The following CLCN5 variants were observed in gnomAD, a reference collection of about 807,000 sequenced individuals.
CLCN5 encodes the protein H(+)/Cl(-) exchange transporter 5.
Under a neutral mutation model 54.0 loss-of-function variants are expected in CLCN5, and 17 were observed. The ratio of observed to expected loss-of-function variants is 0.31; its 90% CI spans 0.22 to 0.47. CLCN5 has a LOEUF of 0.47. CLCN5 is among the 20% of genes least tolerant of loss of function. CLCN5 has a pLI of 1.00. For synonymous variants in CLCN5, 222 were observed against 233.0 expected, an observed-to-expected ratio of 0.95 and a Z score of 0.43; for missense variants, 448 against 646.7, an observed-to-expected ratio of 0.69 and a Z score of 3.33.
At chrX:50,043,817 T>C (rs1179127491) in intron 4 of CLCN5, among the ~76,000 whole-genome samples, 2 of 112,034 alleles carry the variant, frequency 1.8e-5, no homozygotes, top group Non-Finnish European at 3.8e-5. Context: ...AATTCCTTAT[T>C]GTACTTAGAA....
chrX:50,072,416 T>C, intron 5 of CLCN5, 73 bp from the exon 6 acceptor site: 1 of 734,479 alleles, frequency 1.4e-6, no homozygotes, highest in East Asian at 3.2e-5. Context: ...TCTTTGTATT[T>C]CTTTGTTGAA....
intron 3 of CLCN5, among the ~76,000 whole-genome samples, chrX:49,972,850 C>A (rs1378756470): frequency 1.8e-5 from 2 of 111,893 alleles, no homozygotes; most frequent in African/African-American, 6.5e-5. Flanking sequence ...AAGTGATCAT[C>A]ATTCTTAAAC....
chrX:49,995,402 C>A (rs190459258), intron 3 of CLCN5, among the ~76,000 whole-genome samples: 1 of 111,958 alleles, frequency 8.9e-6, no homozygotes, highest in Admixed American at 9.5e-5. Flanking sequence ...AAAATAGTTA[C>A]GGAGTTTCTA....
chrX:49,958,240 GT>G (rs1163307184), intron 3 of CLCN5, among the ~76,000 whole-genome samples: 13 of 106,524 alleles, frequency 1.2e-4, no homozygotes, highest in South Asian at 4.0e-4. Flanking sequence ...TTTGAGATTA[GT>G]TTTTTTTTTC....
intron 3 of CLCN5, among the ~76,000 whole-genome samples, chrX:49,943,331 A>T (rs1482225968): frequency 1.1e-5 from 1 of 94,926 alleles, no homozygotes; most frequent in Admixed American, 1.2e-4. Flanking sequence ...GGTTGCAAAA[A>T]TTTTCTCCCA....
intron 11 of CLCN5, 109 bp from the exon 12 acceptor site, chrX:50,088,589 A>G (rs1933976157): frequency 1.4e-6 from 1 of 725,885 alleles, no homozygotes. Flanking sequence ...GTGCATAGTT[A>G]AATTGTCATC....
intron 3 of CLCN5, among the ~76,000 whole-genome samples, chrX:49,941,877 CTTT>C (rs1347982594): frequency 9.9e-6 from 1 of 101,021 alleles, no homozygotes; most frequent in Non-Finnish European, 2.0e-5. Flanking sequence ...CAATCAATAT[CTTT>C]TTTTTACCTG....
chrX:50,016,722 C>G (rs1220166184), intron 3 of CLCN5, among the ~76,000 whole-genome samples: 1 of 109,073 alleles, frequency 9.2e-6, no homozygotes, highest in Non-Finnish European at 1.9e-5. Flanking sequence ...CCTCTGAGTT[C>G]TGCCTATTTA....
At chrX:49,992,698 G>C (rs143348090) in intron 3 of CLCN5, among the ~76,000 whole-genome samples, 14 of 111,391 alleles carry the variant, frequency 1.3e-4, no homozygotes, top group Non-Finnish European at 2.4e-4. Context: ...TCTTAACTCA[G>C]TGTTCCATTA....
intron 7 of CLCN5, among the ~76,000 whole-genome samples, chrX:50,079,897 C>G (rs145649722): frequency 0.032 from 3,592 of 110,717 alleles, 70 homozygotes; most frequent in Non-Finnish European, 0.05. Flanking sequence ...ATGCTGTATA[C>G]TAAAAATTTG....
At chrX:49,969,191 C>T (rs782176346) in intron 3 of CLCN5, among the ~76,000 whole-genome samples, 3 of 110,996 alleles carry the variant, frequency 2.7e-5, no homozygotes, top group African/African-American at 9.8e-5. Context: ...AATTCTCGTG[C>T]TTCAGCCTCC....
intron 3 of CLCN5, among the ~76,000 whole-genome samples, chrX:49,959,801 T>C (rs1487902173): frequency 9.0e-6 from 1 of 111,242 alleles, no homozygotes; most frequent in Non-Finnish European, 1.9e-5. Context: ...TCCCAGACCA[T>C]GCCAGTAGCC....
intron 3 of CLCN5, among the ~76,000 whole-genome samples, chrX:49,946,901 T>C (rs1431009531): frequency 9.0e-6 from 1 of 110,768 alleles, no homozygotes; most frequent in Admixed American, 9.6e-5. Flanking sequence ...TGATCTCGGC[T>C]CACCACAACC....
Position 50,045,875 on chromosome X carries a change from C to T in CLCN5, c.163+3413C>T, listed in dbSNP as rs781857766. Among the ~76,000 whole-genome samples the T allele has an allele frequency of 4.1e-4, 46 of 112,031 alleles. No homozygotes were observed. In the South Asian group the frequency reaches 4.8e-3, roughly 12 times the overall value. On this transcript the variant is annotated intron_variant, in intron 4 of 14. Coordinates refer to ENST00000376091, the MANE Select transcript of CLCN5 (RefSeq NM_001127898.4). ...ACATGGGATTTCCTAATAAAGACAA[C>T]GACAACAAAAAGGTCACAATGTCCT...
chrX:49,971,898 G>A (rs1000952983), intron 3 of CLCN5, among the ~76,000 whole-genome samples: 7 of 111,684 alleles, frequency 6.3e-5, no homozygotes, highest in Non-Finnish European at 1.3e-4. Context: ...GTTGCTTTAC[G>A]AGGGAGAGAA....
chrX:49,925,556 G>T (rs1367146026), intron 3 of CLCN5, among the ~76,000 whole-genome samples: 1 of 112,346 alleles, frequency 8.9e-6, no homozygotes, highest in Admixed American at 9.4e-5. Flanking sequence ...GCATTTAAAA[G>T]AACTCCCTTC....
chrX:50,034,300 G>A (rs1412309783), intron 3 of CLCN5, among the ~76,000 whole-genome samples: 1 of 111,841 alleles, frequency 8.9e-6, no homozygotes. Flanking sequence ...TTATGTGTGT[G>A]TCAGCTCCTA....
intron 4 of CLCN5, among the ~76,000 whole-genome samples, chrX:50,048,371 C>A (rs1932465862): frequency 8.9e-6 from 1 of 112,504 alleles, no homozygotes; most frequent in Non-Finnish European, 1.9e-5. Context: ...TGGATGGGGA[C>A]CCCCTGGTTT....
intron 3 of CLCN5, chrX:50,008,434 C>G: frequency 5.7e-6 from 2 of 350,415 alleles, no homozygotes; most frequent in South Asian, 5.5e-5. Context: ...GTGTTCTGCT[C>G]CCCCTCTCTA....
Sources: allele counts gnomAD v4.1 joint callset (sites outside exome capture counted in the v4.1 genomes callset), GRCh38; gene constraint gnomAD v4.1.1; transcripts MANE v1.5; gene names NCBI Gene and HGNC (gene_info 2026-07-23, HGNC 2026-07-21).